The following TRIP12 variants were observed in gnomAD, a reference collection of about 807,000 sequenced individuals.
The protein encoded by TRIP12 is thyroid hormone receptor interactor 12.
A neutral mutation model predicts 244.2 loss-of-function variants in TRIP12; 25 were observed. The observed-to-expected ratio is 0.10, with a 90% confidence interval of 0.07 to 0.14. The LOEUF is 0.14. Among genes scored for constraint, TRIP12 ranks in the 10% least tolerant of loss-of-function variants. The pLI is 1.00. For synonymous variants in TRIP12, 905 were observed against 873.1 expected, an observed-to-expected ratio of 1.04 and a Z score of -0.64; for missense variants, 1,677 against 2,486.4, an observed-to-expected ratio of 0.67 and a Z score of 6.92.
chr2:229,786,510 G>C (rs2040068541), intron 33 of TRIP12, among the ~76,000 whole-genome samples: 1 of 143,918 alleles, frequency 6.9e-6, no homozygotes, highest in African/African-American at 2.6e-5. Flanking sequence ...TGATTCTCTT[G>C]CCTCAGCCTC....
intron 2 of TRIP12, among the ~76,000 whole-genome samples, chr2:229,867,184 G>C (rs1486831445): frequency 1.3e-4 from 5 of 38,398 alleles, no homozygotes; most frequent in African/African-American, 2.9e-4. Flanking sequence ...TTTTTTTTTT[G>C]AGACAGATAC....
chr2:229,818,727 T>G (rs974914295), intron 8 of TRIP12, among the ~76,000 whole-genome samples: 10 of 152,178 alleles, frequency 6.6e-5, no homozygotes, highest in Admixed American at 2.0e-4. Context: ...AGTTATATAC[T>G]TCTGTCTTCT....
In TRIP12 at chr2:229,765,908, CA is replaced by C. The variant is rs1046015460; in HGVS notation, c.*1645del. The C allele has an allele frequency of 1.3e-5, 2 of 152,196 alleles. No homozygotes were observed. Among genetic ancestry groups the C allele is most frequent in the Non-Finnish European group, 2.9e-5 (2 of 68,036 alleles). The allele number at this position is 152,196 out of a possible 1,614,324, so 9.4% of individuals were successfully genotyped here. On this transcript the variant is annotated 3_prime_UTR_variant, in exon 42 of 42. Coordinates refer to ENST00000675903, the MANE Select transcript of TRIP12 (RefSeq NM_001348323.3). The stretch of plus-strand genomic sequence containing the variant: ...CCCAACTCCTCTGACAGTTCCCTTC[CA>C]CTTAATGGGGTCACTGCCCAAGTGA...
chr2:229,908,434 C>T (rs1488499364), intron 1 of TRIP12, among the ~76,000 whole-genome samples: 1 of 152,154 alleles, frequency 6.6e-6, no homozygotes, highest in East Asian at 1.9e-4. Flanking sequence ...ATCCGCGTAA[C>T]GTCTCACAAT....
At chr2:229,917,135 C>T (rs1232638928) in intron 1 of TRIP12, among the ~76,000 whole-genome samples, 1 of 152,102 alleles carries the variant, frequency 6.6e-6, no homozygotes, top group Non-Finnish European at 1.5e-5. Context: ...AATCCCAGCA[C>T]TTTGGGAGTC....
intron 1 of TRIP12, among the ~76,000 whole-genome samples, chr2:229,904,592 G>A (rs1045441076): frequency 1.3e-5 from 2 of 152,060 alleles, no homozygotes; most frequent in African/African-American, 4.8e-5. Flanking sequence ...ACAGAGGCTA[G>A]AAGGAAAGAC....
At chr2:229,829,633 T>C (rs1483350542) in intron 7 of TRIP12, among the ~76,000 whole-genome samples, 2 of 152,206 alleles carry the variant, frequency 1.3e-5, no homozygotes, top group Non-Finnish European at 2.9e-5. Context: ...GTATGATTTT[T>C]ATTAGTTCCA....
Position 229,829,230 on chromosome 2 carries a change from C to T in TRIP12, c.1413G>A (p.Met471Ile). ...PHLFGPLGPR[M>I]SQLFHRTIGS... The stretch of plus-strand genomic sequence containing the variant: ...CAATTGTTCTATGGAAAAGCTGTGA[C>T]ATCCGAGGACCAAGAGGACCAAATA... Residue 471 changes from methionine to isoleucine, a missense_variant, in exon 8 of 42, where the codon ATG becomes ATA. Physicochemically the swap from Met to Ile is conservative, Grantham distance 10. Coordinates refer to ENST00000675903, the MANE Select transcript of TRIP12 (RefSeq NM_001348323.3). The T allele has an allele frequency of 6.2e-7, 1 of 1,613,952 alleles. No individual in the cohort carries two copies. The highest frequency in any genetic ancestry group is 8.5e-7 in the Non-Finnish European group (1 of 1,179,952).
chr2:229,855,625 G>GGGTATAAAAAAAAAAAAAAAAAAAAAA (rs2059478837), intron 4 of TRIP12, among the ~76,000 whole-genome samples: 1 of 95,800 alleles, frequency 1.0e-5, no homozygotes, highest in African/African-American at 3.2e-5. Context: ...AAAAAAAAAA[G>GGGTATAAAAAAAAAAAAAAAAAAAAAA]AGAAAAGAAA....
chr2:229,808,169 T>C (rs2046350579), intron 16 of TRIP12, 83 bp downstream of exon 16: 2 of 1,013,194 alleles, frequency 2.0e-6, no homozygotes, highest in African/African-American at 1.6e-5. Context: ...GTTTTCATCA[T>C]GTTGGCCAGG....
At position 229,771,651 on chromosome 2, in the gene TRIP12, CA is replaced by C. The variant is rs748913245; in HGVS notation, c.5695-20del. 1 of 1,581,906 alleles carries C rather than the reference CA, an allele frequency of 6.3e-7. No individual in the cohort carries two copies. The highest frequency in any genetic ancestry group is 8.7e-7 in the Non-Finnish European group (1 of 1,152,266). On this transcript the variant is annotated intron_variant, in intron 38 of 41. Coordinates refer to ENST00000675903, the MANE Select transcript of TRIP12 (RefSeq NM_001348323.3). ...TAACCAGCTGCAAAAAGAAAGTTTT[CA>C]AAAAACTGTGACAAGATTTCAAATC...
In TRIP12 at chr2:229,765,235, G is replaced by C. The variant is rs938620227; in HGVS notation, c.*2319C>G. On this transcript the variant is annotated 3_prime_UTR_variant, in exon 42 of 42. Transcript: ENST00000675903. Reference sequence around the variant, plus strand: ...AATAAAGGACAACAAAATCTCAGTTGTTACCCAACTAAGTGTTTAAAGTAT... The same window carrying C: ...AATAAAGGACAACAAAATCTCAGTTCTTACCCAACTAAGTGTTTAAAGTAT... 2 of 152,170 alleles carry C rather than the reference G, an allele frequency of 1.3e-5. No homozygotes were observed. The highest frequency in any genetic ancestry group is 1.3e-4 in the Admixed American group (2 of 15,278). The allele number at this position is 152,170 out of a possible 1,614,324, so 9.4% of individuals were successfully genotyped here.
chr2:229,911,456 TA>T (rs200974211), intron 1 of TRIP12, among the ~76,000 whole-genome samples: 2,596 of 152,330 alleles, frequency 0.017, 34 homozygotes, highest in Middle Eastern at 0.068. Flanking sequence ...CATACTTGTA[TA>T]AAAGTAATGG....
At chr2:229,838,084 A>C (rs930692983) in intron 5 of TRIP12, among the ~76,000 whole-genome samples, 1 of 152,208 alleles carries the variant, frequency 6.6e-6, no homozygotes, top group Non-Finnish European at 1.5e-5. Flanking sequence ...GTCACACTAC[A>C]GTAAAGTGAG....
intron 15 of TRIP12, among the ~76,000 whole-genome samples, chr2:229,809,814 T>G (rs1357541030): frequency 6.6e-6 from 1 of 152,210 alleles, no homozygotes; most frequent in Non-Finnish European, 1.5e-5. Flanking sequence ...CAAAGTTCTG[T>G]GCCAATGTGT....
intron 2 of TRIP12, among the ~76,000 whole-genome samples, chr2:229,869,038 G>A: frequency 6.6e-6 from 1 of 152,188 alleles, no homozygotes; most frequent in East Asian, 1.9e-4. Flanking sequence ...TGACAACACA[G>A]CAAGGTATCT....
rs1371850115 is a variant in TRIP12, at chr2:229,805,893, AAGAG to A, written c.2497-14_2497-11del. The A allele has an allele frequency of 6.6e-7, 1 of 1,522,798 alleles. No individual in the cohort carries two copies. Among genetic ancestry groups the A allele is most frequent in the Non-Finnish European group, 8.9e-7 (1 of 1,119,184 alleles). The allele number at this position is 1,522,798 out of a possible 1,614,324, so 94.3% of individuals were successfully genotyped here. On this transcript the variant is annotated splice_polypyrimidine_tract_variant and intron_variant, in intron 17 of 41. Coordinates refer to ENST00000675903, the MANE Select transcript of TRIP12 (RefSeq NM_001348323.3). ...CGACCTGATGGGCTGCCTGAGAGCA[AAGAG>A]AGAGAAACTTTGAATATAAACATTG...
At chr2:229,837,560 G>A (rs1054099574) in intron 5 of TRIP12, among the ~76,000 whole-genome samples, 7 of 152,112 alleles carry the variant, frequency 4.6e-5, no homozygotes, top group African/African-American at 1.7e-4. Flanking sequence ...CTCGAACCCG[G>A]GAGGCGGAGG....
chr2:229,815,453 T>C (rs1407887642), intron 9 of TRIP12, 145 bp from the exon 10 acceptor site: 5 of 559,570 alleles, frequency 8.9e-6, no homozygotes, highest in Non-Finnish European at 1.6e-5. Flanking sequence ...AGATAAAACC[T>C]AGTAGGCGTT....
Sources: allele counts gnomAD v4.1 joint callset (sites outside exome capture counted in the v4.1 genomes callset), GRCh38; gene constraint gnomAD v4.1.1; transcripts MANE v1.5; gene names NCBI Gene and HGNC (gene_info 2026-07-23, HGNC 2026-07-21).